Variants in SGK3 observed in about 807,000 individuals in gnomAD.
SGK3 encodes the protein serum/glucocorticoid regulated kinase family member 3.
A neutral mutation model predicts 68.5 loss-of-function variants in SGK3; 47 were observed. The observed-to-expected ratio is 0.69, with a 90% CI of 0.54 to 0.87. SGK3 has a LOEUF of 0.87. SGK3 is among the 40% of genes least tolerant of loss of function. The pLI is 0.00. For synonymous variants in SGK3, 181 were observed against 189.1 expected (o/e 0.96, Z 0.35); for missense variants, 479 against 575.5 (o/e 0.83, Z 1.72).
chr8:66,798,592 G>A lies in SGK3; in HGVS notation c.147G>A (p.Arg49=), dbSNP rs779224417. The A allele has an allele frequency of 4.3e-6, 7 of 1,611,192 alleles. No individual in the cohort carries two copies. Among genetic ancestry groups the A allele is most frequent in the African/African-American group, 1.3e-5 (1 of 74,824 alleles). The change falls in exon 3 of 17, where the codon AGG becomes AGA. Residue 49 remains arginine, a synonymous_variant. Coordinates refer to ENST00000521198, the MANE Select transcript of SGK3 (RefSeq NM_001033578.3). ...GAAGAAGTGAATGGTTTGTCTTCAG[G>A]AGATATGCAGAGTTTGATAAACTTT... The part of the protein sequence containing the change: ...SVGRSEWFVF[R]RYAEFDKLYN...
chr8:66,789,665 G>A (rs1356125330), intron 1 of SGK3, among the ~76,000 whole-genome samples: 1 of 152,088 alleles, frequency 6.6e-6, no homozygotes, highest in Non-Finnish European at 1.5e-5. Context: ...ATCCAGTAAC[G>A]CTTGGGAGGA....
intron 1 of SGK3, among the ~76,000 whole-genome samples, chr8:66,755,842 A>T (rs1231518862): frequency 2.0e-5 from 3 of 152,140 alleles, no homozygotes; most frequent in Admixed American, 2.0e-4. Context: ...GTAGGCTCCT[A>T]TGTGAGTATA....
chr8:66,729,339 C>G (rs1357872708), intron 1 of SGK3, among the ~76,000 whole-genome samples: 1 of 151,802 alleles, frequency 6.6e-6, no homozygotes, highest in Non-Finnish European at 1.5e-5. Context: ...GCCTGTAGTC[C>G]CAGCTACTCG....
At chr8:66,735,747 A>ATTGTG (rs1340215063) in intron 1 of SGK3, among the ~76,000 whole-genome samples, 1 of 152,158 alleles carries the variant, frequency 6.6e-6, no homozygotes, top group African/African-American at 2.4e-5. Flanking sequence ...ATGTCATTGA[A>ATTGTG]TTGTGTTTTC....
intron 8 of SGK3, among the ~76,000 whole-genome samples, chr8:66,833,918 C>G (rs929203835): frequency 6.6e-6 from 1 of 151,576 alleles, no homozygotes; most frequent in African/African-American, 2.4e-5. Context: ...CTCGAACTCC[C>G]GACGTCAGAT....
chr8:66,723,124 TATATATA>T (rs1440561508), intron 1 of SGK3, among the ~76,000 whole-genome samples: 14 of 56,832 alleles, frequency 2.5e-4, no homozygotes, highest in South Asian at 5.8e-4. Context: ...TATATATATA[TATATATA>T]TTTTTTTTTT....
intron 1 of SGK3, among the ~76,000 whole-genome samples, chr8:66,755,123 G>A (rs149445822): frequency 0.039 from 5,933 of 152,076 alleles, 126 homozygotes; most frequent in African/African-American, 0.054. Context: ...GCTGGGTGTG[G>A]TGCAGCACTC....
At chr8:66,746,667 C>T (rs1381290466) in intron 1 of SGK3, among the ~76,000 whole-genome samples, 1 of 152,070 alleles carries the variant, frequency 6.6e-6, no homozygotes, top group East Asian at 1.9e-4. Context: ...GATCTTCCCA[C>T]CTCAGCTTCC....
At chr8:66,850,073 C>T (rs1156781625) in intron 15 of SGK3, among the ~76,000 whole-genome samples, 3 of 152,286 alleles carry the variant, frequency 2.0e-5, no homozygotes, top group African/African-American at 7.2e-5. Context: ...CCTTATGTGA[C>T]AGTCCCATCC....
intron 3 of SGK3, among the ~76,000 whole-genome samples, chr8:66,802,407 G>A (rs910233382): frequency 6.6e-6 from 1 of 152,062 alleles, no homozygotes; most frequent in African/African-American, 2.4e-5. Flanking sequence ...GTCAAACACA[G>A]GCCAGGAACA....
At chr8:66,830,220 G>A (rs990597081) in intron 7 of SGK3, among the ~76,000 whole-genome samples, 1 of 152,126 alleles carries the variant, frequency 6.6e-6, no homozygotes, top group African/African-American at 2.4e-5. Context: ...CTTGGAGTAT[G>A]GCCTCAGCTC....
chr8:66,722,563 T>C (rs980502605), intron 1 of SGK3, among the ~76,000 whole-genome samples: 2 of 152,244 alleles, frequency 1.3e-5, no homozygotes, highest in Non-Finnish European at 2.9e-5. Context: ...TGAGCCGCCG[T>C]GCCCAGCCTC....
chr8:66,846,924 A>G (rs1190449813), intron 14 of SGK3, among the ~76,000 whole-genome samples: 2 of 152,314 alleles, frequency 1.3e-5, no homozygotes, highest in African/African-American at 2.4e-5. Flanking sequence ...AACAGGTACT[A>G]CTACAAGTTG....
At position 66,843,824 on chromosome 8, in the gene SGK3, T is replaced by A. The variant is rs773605660; in HGVS notation, c.1074+277T>A. Among the ~76,000 whole-genome samples, 5 of 152,096 alleles carry A rather than the reference T, an allele frequency of 3.3e-5. No homozygotes were observed. The South Asian group carries it at 1.0e-3, about 32-fold the overall frequency. On this transcript the variant is annotated intron_variant, in intron 14 of 16. Transcript: ENST00000521198. The stretch of plus-strand genomic sequence containing the variant: ...GCCTATGCAACGTGGCGAAATCCCA[T>A]CTCTACTAAAAATACAAAAAATTAT...
chr8:66,744,513 A>ATTTTT (rs1563605651), intron 1 of SGK3, among the ~76,000 whole-genome samples: 1 of 25,854 alleles, frequency 3.9e-5, no homozygotes, highest in Non-Finnish European at 6.0e-5. Flanking sequence ...ATATATATAT[A>ATTTTT]TATATATTTT....
chr8:66,857,201 T>C (rs1810549142), intron 16 of SGK3, among the ~76,000 whole-genome samples: 2 of 152,204 alleles, frequency 1.3e-5, no homozygotes, highest in Non-Finnish European at 2.9e-5. Context: ...CGTACATACA[T>C]ACATACATAT....
chr8:66,832,537 T>G (rs979679), intron 8 of SGK3, among the ~76,000 whole-genome samples: 19,514 of 152,100 alleles, frequency 0.13, 2,351 homozygotes, highest in African/African-American at 0.32. Flanking sequence ...AGTTAGAAAT[T>G]AATCCTGCTC....
At chr8:66,779,576 A>C (rs1167686740) in intron 1 of SGK3, among the ~76,000 whole-genome samples, 1 of 123,352 alleles carries the variant, frequency 8.1e-6, no homozygotes, top group Non-Finnish European at 1.7e-5. Flanking sequence ...ATATATATAT[A>C]TATATATATA....
At chr8:66,731,507 G>A (rs1485696653) in intron 1 of SGK3, among the ~76,000 whole-genome samples, 1 of 151,980 alleles carries the variant, frequency 6.6e-6, no homozygotes, top group South Asian at 2.1e-4. Context: ...TTTACCTTTG[G>A]ATATTAACAT....
Sources: allele counts gnomAD v4.1 joint callset (sites outside exome capture counted in the v4.1 genomes callset), GRCh38; gene constraint gnomAD v4.1.1; transcripts MANE v1.5; gene names NCBI Gene and HGNC (gene_info 2026-07-23, HGNC 2026-07-21).